Variants in ADAMTS12 observed in about 807,000 individuals in gnomAD.
ADAMTS12 encodes ADAM metallopeptidase with thrombospondin type 1 motif 12, also known as A disintegrin and metalloproteinase with thrombospondin motifs 12.
In ADAMTS12, 118 loss-of-function variants were observed where a neutral mutation model predicts 167.8. The ratio of observed to expected loss-of-function variants is 0.70; its 90% CI spans 0.61 to 0.82. ADAMTS12 has a LOEUF of 0.82. ADAMTS12 is among the 40% of genes least tolerant of loss of function. The pLI, the probability that ADAMTS12 is intolerant of heterozygous loss-of-function variation, is 0.00. For synonymous variants in ADAMTS12, 704 were observed against 716.9 expected (o/e 0.98, Z 0.29); for missense variants, 1,916 against 1,998.8 (o/e 0.96, Z 0.79).
chr5:33,540,373 G>A (rs1222623673), intron 22 of ADAMTS12, among the ~76,000 whole-genome samples: 1 of 152,260 alleles, frequency 6.6e-6, no homozygotes, highest in Non-Finnish European at 1.5e-5. Context: ...CCACCTCTGT[G>A]GGCAGGGCAT....
chr5:33,739,702 G>A (rs1744499521), intron 3 of ADAMTS12, among the ~76,000 whole-genome samples: 1 of 152,194 alleles, frequency 6.6e-6, no homozygotes, highest in Non-Finnish European at 1.5e-5. Context: ...TCATGACCCT[G>A]AAGTTCTGCC....
chr5:33,719,581 A>C (rs1743737900), intron 3 of ADAMTS12, among the ~76,000 whole-genome samples: 1 of 152,196 alleles, frequency 6.6e-6, no homozygotes, highest in Non-Finnish European at 1.5e-5. Context: ...ATGAGTGTCT[A>C]TTGAGTGATT....
At chr5:33,622,944 G>A (rs1269621539) in intron 14 of ADAMTS12, among the ~76,000 whole-genome samples, 1 of 152,078 alleles carries the variant, frequency 6.6e-6, no homozygotes, top group Non-Finnish European at 1.5e-5. Context: ...ATTCTCATGG[G>A]CAGGACAAGC....
chr5:33,529,026 CAA>C (rs1409844925), intron 23 of ADAMTS12, among the ~76,000 whole-genome samples: 1 of 152,046 alleles, frequency 6.6e-6, no homozygotes, highest in Non-Finnish European at 1.5e-5. Flanking sequence ...GCCTGGGCAA[CAA>C]GAGTGAAACT....
chr5:33,645,844 T>C (rs1426550029), intron 9 of ADAMTS12, among the ~76,000 whole-genome samples: 1 of 152,202 alleles, frequency 6.6e-6, no homozygotes, highest in Non-Finnish European at 1.5e-5. Context: ...GTTGGGTGCC[T>C]ACTATGTGCT....
chr5:33,717,931 C>T lies in ADAMTS12; in HGVS notation c.634+33473G>A, dbSNP rs146201346. ...TCATAGCTGTGACCCACACTACTGC[C>T]TAGTTTCCCATACTTATCTCCACAA... On this transcript the variant is annotated intron_variant, in intron 3 of 23. Coordinates refer to ENST00000504830, the MANE Select transcript of ADAMTS12 (RefSeq NM_030955.4). 8.4e-4 allele frequency among the ~76,000 whole-genome samples: 128 copies of T among 152,286 alleles called. No individual in the cohort carries two copies. In the East Asian group the frequency reaches 0.015, roughly 18 times the overall value.
intron 17 of ADAMTS12, among the ~76,000 whole-genome samples, chr5:33,590,120 A>C (rs542693331): frequency 3.2e-4 from 49 of 152,312 alleles, no homozygotes; most frequent in Middle Eastern, 3.4e-3. Flanking sequence ...GACTTTTCTA[A>C]AGGAGGGCAG....
chr5:33,886,002 G>C (rs537266537), intron 1 of ADAMTS12, among the ~76,000 whole-genome samples: 9 of 152,170 alleles, frequency 5.9e-5, no homozygotes, highest in Non-Finnish European at 1.2e-4. Context: ...TGTGGCGGAA[G>C]CAAACTTAAT....
intron 3 of ADAMTS12, among the ~76,000 whole-genome samples, chr5:33,719,396 TGATA>T (rs1396903952): frequency 5.3e-5 from 8 of 152,192 alleles, no homozygotes; most frequent in Non-Finnish European, 1.2e-4. Context: ...GGGTGAAAAG[TGATA>T]CAACTGTTTT....
intron 23 of ADAMTS12, among the ~76,000 whole-genome samples, chr5:33,527,929 T>C (rs1231081551): frequency 2.0e-5 from 3 of 152,104 alleles, no homozygotes; most frequent in East Asian, 1.9e-4. Context: ...AAAAAATACA[T>C]GACTGTGCAT....
chr5:33,567,159 GCA>G (rs1411188976), intron 19 of ADAMTS12, among the ~76,000 whole-genome samples: 1 of 151,924 alleles, frequency 6.6e-6, no homozygotes, highest in Non-Finnish European at 1.5e-5. Context: ...AATTACATAT[GCA>G]CACACACACA....
At chr5:33,644,462 T>C (rs541449638) in intron 9 of ADAMTS12, among the ~76,000 whole-genome samples, 2 of 152,342 alleles carry the variant, frequency 1.3e-5, no homozygotes, top group South Asian at 4.1e-4. Flanking sequence ...GTTTAATCCA[T>C]CCACTGAATT....
intron 2 of ADAMTS12, among the ~76,000 whole-genome samples, chr5:33,829,715 C>T (rs1748223803): frequency 6.6e-6 from 1 of 152,186 alleles, no homozygotes; most frequent in African/African-American, 2.4e-5. Flanking sequence ...AAACAATTCC[C>T]CTACACATCT....
chr5:33,730,289 G>GGTGTGTGTGT (rs762232547), intron 3 of ADAMTS12, among the ~76,000 whole-genome samples: 45,263 of 143,816 alleles, frequency 0.31, 8,339 homozygotes, highest in Non-Finnish European at 0.43. Context: ...AGTCCATTAG[G>GGTGTGTGTGT]GTGTGTGTGT....
At chr5:33,720,284 TCACACACA>T (rs3071626) in intron 3 of ADAMTS12, among the ~76,000 whole-genome samples, 12 of 147,912 alleles carry the variant, frequency 8.1e-5, no homozygotes, top group Non-Finnish European at 1.6e-4. Flanking sequence ...TCTCTCTCAC[TCACACACA>T]CACACACACA....
At position 33,706,904 on chromosome 5, in the gene ADAMTS12, T is replaced by C. The variant is rs191486406; in HGVS notation, c.635-22849A>G. Among the ~76,000 whole-genome samples, 458 of 152,310 alleles carry C rather than the reference T, an allele frequency of 3.0e-3. 1 individual carries two copies. The highest frequency in any genetic ancestry group is 5.5e-3 in the Non-Finnish European group (372 of 68,020). ...TTTGAAAACTGGAACAAGACAAGTA[T>C]GCCCTTTCTCACCACTCCTATTCAG... On this transcript the variant is annotated intron_variant, in intron 3 of 23. Transcript: ENST00000504830.
chr5:33,699,127 A>T (rs1425190261), intron 3 of ADAMTS12, among the ~76,000 whole-genome samples: 1 of 152,232 alleles, frequency 6.6e-6, no homozygotes, highest in Non-Finnish European at 1.5e-5. Flanking sequence ...ATTGTACTCC[A>T]GCCTGGGCAA....
intron 3 of ADAMTS12, among the ~76,000 whole-genome samples, chr5:33,722,559 T>C (rs927311061): frequency 6.6e-6 from 1 of 152,200 alleles, no homozygotes; most frequent in Non-Finnish European, 1.5e-5. Flanking sequence ...ATGACTGTCC[T>C]AAGAATGATC....
At chr5:33,738,352 C>G (rs937639068) in intron 3 of ADAMTS12, among the ~76,000 whole-genome samples, 3 of 151,974 alleles carry the variant, frequency 2.0e-5, no homozygotes, top group African/African-American at 7.2e-5. Context: ...AGTACAGAAT[C>G]TTGCCAATCA....
Sources: gnomAD v4.1 joint callset for allele counts (sites outside exome capture counted in the v4.1 genomes callset) on GRCh38, gnomAD v4.1.1 for gene constraint, MANE v1.5 for transcripts, NCBI Gene and HGNC (gene_info 2026-07-23, HGNC 2026-07-21) for gene names.